The following STX8 variants were observed in gnomAD, a reference collection of about 807,000 sequenced individuals.
STX8 encodes syntaxin 8.
Under a neutral mutation model 37.5 loss-of-function variants are expected in STX8, and 23 were observed. The ratio of observed to expected loss-of-function variants is 0.61; its 90% CI spans 0.44 to 0.87. STX8 has a LOEUF of 0.87. Among genes scored for constraint, STX8 ranks in the 40% least tolerant of loss-of-function variants. STX8 has a pLI of 0.00. For synonymous variants in STX8, 115 were observed against 99.1 expected (o/e 1.16, Z -0.95); for missense variants, 313 against 284.7 (o/e 1.10, Z -0.71).
intron 7 of STX8, among the ~76,000 whole-genome samples, chr17:9,286,901 C>T (rs1207910373): frequency 2.0e-5 from 3 of 152,112 alleles, no homozygotes; most frequent in African/African-American, 7.2e-5. Flanking sequence ...GCTACGTGAC[C>T]TTGAGCACTG....
At chr17:9,470,785 G>C (rs1246842570) in intron 6 of STX8, among the ~76,000 whole-genome samples, 2 of 152,010 alleles carry the variant, frequency 1.3e-5, no homozygotes, top group African/African-American at 4.8e-5. Flanking sequence ...GGAGTGCAGT[G>C]GCACAATCTC....
intron 6 of STX8, among the ~76,000 whole-genome samples, chr17:9,466,129 C>T (rs1216085381): frequency 6.6e-6 from 1 of 152,134 alleles, no homozygotes; most frequent in Non-Finnish European, 1.5e-5. Flanking sequence ...CGCCACCACA[C>T]CCGGCTAATT....
intron 7 of STX8, among the ~76,000 whole-genome samples, chr17:9,303,311 T>C (rs1040606247): frequency 8.6e-5 from 13 of 152,022 alleles, no homozygotes; most frequent in Admixed American, 5.2e-4. Context: ...TAAATAACCC[T>C]AGGAAGAAGA....
chr17:9,287,726 T>TA (rs1908130781), intron 7 of STX8, among the ~76,000 whole-genome samples: 1 of 152,140 alleles, frequency 6.6e-6, no homozygotes, highest in African/African-American at 2.4e-5. Context: ...CACCCATGCC[T>TA]ATAGAACTTT....
chr17:9,463,104 T>C, intron 6 of STX8, among the ~76,000 whole-genome samples: 1 of 152,200 alleles, frequency 6.6e-6, no homozygotes, highest in Non-Finnish European at 1.5e-5. Flanking sequence ...AGAATCCTCA[T>C]CCCAGAACAC....
At chr17:9,300,331 CAAA>C (rs3060137) in intron 7 of STX8, among the ~76,000 whole-genome samples, 2 of 69,314 alleles carry the variant, frequency 2.9e-5, no homozygotes, top group Admixed American at 1.9e-4. Flanking sequence ...AACTCCATCT[CAAA>C]AAAAAAAAAA....
intron 2 of STX8, among the ~76,000 whole-genome samples, chr17:9,564,723 A>G (rs939482138): frequency 6.6e-6 from 1 of 152,262 alleles, no homozygotes; most frequent in African/African-American, 2.4e-5. Flanking sequence ...ACAAATGGAA[A>G]AACATTCCAT....
intron 7 of STX8, among the ~76,000 whole-genome samples, chr17:9,282,132 T>TTTTGA (rs1907909338): frequency 7.3e-6 from 1 of 137,376 alleles, no homozygotes; most frequent in Non-Finnish European, 1.7e-5. Context: ...TGATGACATG[T>TTTTGA]TTTGTTTTGT....
At chr17:9,272,359 G>A (rs539412766) in intron 7 of STX8, among the ~76,000 whole-genome samples, 137 of 152,312 alleles carry the variant, frequency 9.0e-4, no homozygotes, top group Middle Eastern at 3.4e-3. Flanking sequence ...ATAACTACCC[G>A]GCAGGGAGTG....
At chr17:9,565,258 C>T (rs1478518457) in intron 2 of STX8, among the ~76,000 whole-genome samples, 1 of 151,946 alleles carries the variant, frequency 6.6e-6, no homozygotes, top group Non-Finnish European at 1.5e-5. Flanking sequence ...TCATGCTACC[C>T]AACTTCAAAC....
chr17:9,571,941 G>A (rs571234378), intron 1 of STX8, among the ~76,000 whole-genome samples: 2 of 151,942 alleles, frequency 1.3e-5, no homozygotes, highest in African/African-American at 2.4e-5. Flanking sequence ...AAGGTGTGGA[G>A]GGTAGAGATG....
chr17:9,567,368 TA>T (rs748845486), intron 2 of STX8, among the ~76,000 whole-genome samples: 1 of 152,216 alleles, frequency 6.6e-6, no homozygotes, highest in Non-Finnish European at 1.5e-5. Flanking sequence ...AGTCTACACT[TA>T]AAAAGACTCA....
At chr17:9,274,253 T>A (rs1907575202) in intron 7 of STX8, among the ~76,000 whole-genome samples, 1 of 152,094 alleles carries the variant, frequency 6.6e-6, no homozygotes, top group African/African-American at 2.4e-5. Context: ...GGAGGTTAGA[T>A]CTCAACCACT....
At chr17:9,433,611 T>A (rs1447940163) in intron 6 of STX8, among the ~76,000 whole-genome samples, 1 of 152,048 alleles carries the variant, frequency 6.6e-6, no homozygotes, top group Admixed American at 6.6e-5. Context: ...AATATTACCA[T>A]TTTTTGTATG....
intron 6 of STX8, among the ~76,000 whole-genome samples, chr17:9,463,776 C>T (rs1366158012): frequency 2.0e-5 from 3 of 151,964 alleles, no homozygotes; most frequent in African/African-American, 7.3e-5. Context: ...GGTGTGGTGG[C>T]GCATGCCTGT....
intron 7 of STX8, among the ~76,000 whole-genome samples, chr17:9,347,439 T>C (rs1315725029): frequency 6.6e-6 from 1 of 152,218 alleles, no homozygotes; most frequent in Non-Finnish European, 1.5e-5. Flanking sequence ...AAAATGACCA[T>C]TTTAACAAAA....
intron 6 of STX8, among the ~76,000 whole-genome samples, chr17:9,387,495 G>A (rs1472175469): frequency 2.6e-5 from 4 of 152,186 alleles, no homozygotes; most frequent in South Asian, 2.1e-4. Flanking sequence ...GGGTTTCACC[G>A]TGTTAGCCAA....
chr17:9,408,724 G>A (rs1230524915), intron 6 of STX8, among the ~76,000 whole-genome samples: 2 of 152,286 alleles, frequency 1.3e-5, no homozygotes, highest in East Asian at 3.9e-4. Flanking sequence ...ACAAAAAGAT[G>A]GAACAGAGAA....
chr17:9,318,628 G>A (rs920151151), intron 7 of STX8, among the ~76,000 whole-genome samples: 1 of 152,066 alleles, frequency 6.6e-6, no homozygotes, highest in African/African-American at 2.4e-5. Context: ...AATTGGACTC[G>A]TGTCAGAGTT....
Sources: allele counts gnomAD v4.1 joint callset (sites outside exome capture counted in the v4.1 genomes callset), GRCh38; gene constraint gnomAD v4.1.1; transcripts MANE v1.5; gene names NCBI Gene and HGNC (gene_info 2026-07-23, HGNC 2026-07-21).